The following ZNF93 variants were observed in gnomAD, a reference collection of about 807,000 sequenced individuals.
The protein encoded by ZNF93 is zinc finger protein 93.
A neutral mutation model predicts 45.0 loss-of-function variants in ZNF93; 29 were observed. The observed-to-expected ratio is 0.64, with a 90% CI of 0.48 to 0.88. The LOEUF (loss-of-function observed/expected upper bound fraction) is 0.88. Among genes scored for constraint, ZNF93 ranks in the 40% least tolerant of loss-of-function variants. The pLI is 0.00. For synonymous variants in ZNF93, 223 were observed against 244.6 expected, an observed-to-expected ratio of 0.91 and a Z score of 0.82; for missense variants, 578 against 724.0, an observed-to-expected ratio of 0.80 and a Z score of 2.31.
At chr19:19,921,294 G>A (rs2063341908) in intron 3 of ZNF93, among the ~76,000 whole-genome samples, 1 of 152,202 alleles carries the variant, frequency 6.6e-6, no homozygotes, top group Non-Finnish European at 1.5e-5. Flanking sequence ...TGATTGCACT[G>A]TGGTCTGAGA....
intron 2 of ZNF93, among the ~76,000 whole-genome samples, 191 bp from the exon 3 acceptor site, chr19:19,916,369 A>G (rs1010525192): frequency 2.0e-5 from 3 of 152,196 alleles, no homozygotes; most frequent in African/African-American, 7.2e-5. Flanking sequence ...AATTGCTGGG[A>G]TCACAGGCGT....
intron 3 of ZNF93, among the ~76,000 whole-genome samples, chr19:19,929,937 C>CAAAAAAAA (rs71172547): frequency 5.2e-5 from 3 of 57,688 alleles, no homozygotes; most frequent in African/African-American, 1.3e-4. Context: ...GACTCCGTCT[C>CAAAAAAAA]AAAAAAAAAA....
chr19:19,933,089 T>C, intron 3 of ZNF93, 93 bp from the exon 4 acceptor site: 1 of 979,700 alleles, frequency 1.0e-6, no homozygotes, highest in Non-Finnish European at 1.4e-6. Flanking sequence ...TCATCTTAGT[T>C]ATGTAGTTTG....
chr19:19,926,890 A>G (rs759437025), intron 3 of ZNF93, among the ~76,000 whole-genome samples: 40 of 152,136 alleles, frequency 2.6e-4, no homozygotes, highest in Non-Finnish European at 3.2e-4. Context: ...TGGTAGTTTT[A>G]TCTTGTCTAA....
chr19:19,916,700 G>A, intron 3 of ZNF93, 45 bp downstream of exon 3: 4 of 1,420,758 alleles, frequency 2.8e-6, no homozygotes, highest in Non-Finnish European at 2.9e-6. Flanking sequence ...ACAGTAAGAG[G>A]TCCCAAGGCC....
At chr19:19,915,175 C>G in intron 1 of ZNF93, 105 bp from the exon 2 acceptor site, 1 of 1,592,396 alleles carries the variant, frequency 6.3e-7, no homozygotes, top group African/African-American at 1.3e-5. Flanking sequence ...TTTAGTCAGT[C>G]CTATAAGTCA....
chr19:19,932,150 G>A, intron 3 of ZNF93: 1 of 200,502 alleles, frequency 5.0e-6, no homozygotes, highest in Non-Finnish European at 1.0e-5. Flanking sequence ...GCCCATGCCT[G>A]TAGTACGAGC....
At chr19:19,919,050 T>C (rs1424235950) in intron 3 of ZNF93, among the ~76,000 whole-genome samples, 1 of 152,214 alleles carries the variant, frequency 6.6e-6, no homozygotes, top group Non-Finnish European at 1.5e-5. Context: ...TGAATGGTAT[T>C]GCCTAGGTTT....
chr19:19,904,337 TCTTC>T (rs1467875624), intron 1 of ZNF93, among the ~76,000 whole-genome samples: 1 of 152,176 alleles, frequency 6.6e-6, no homozygotes, highest in Non-Finnish European at 1.5e-5. Context: ...TCTATGCATT[TCTTC>T]CTTTTGGCTT....
chr19:19,918,107 C>G (rs567468242), intron 3 of ZNF93, among the ~76,000 whole-genome samples: 2 of 151,940 alleles, frequency 1.3e-5, no homozygotes, highest in Non-Finnish European at 1.5e-5. Context: ...CCCGTCCCCC[C>G]ACCCCACAAC....
At chr19:19,908,839 G>T (rs1358043983) in intron 1 of ZNF93, 1 of 41,506 alleles carries the variant, frequency 2.4e-5, no homozygotes, top group African/African-American at 1.5e-4. Flanking sequence ...GTGAAACTCC[G>T]TCTCAAAAAA....
chr19:19,917,430 C>T (rs1413889908), intron 3 of ZNF93, among the ~76,000 whole-genome samples: 2 of 149,868 alleles, frequency 1.3e-5, no homozygotes, highest in Non-Finnish European at 1.5e-5. Context: ...ATTTTTTTCC[C>T]AGTAGTTTTT....
At chr19:19,920,798 T>A (rs895354112) in intron 3 of ZNF93, among the ~76,000 whole-genome samples, 3 of 152,218 alleles carry the variant, frequency 2.0e-5, no homozygotes, top group African/African-American at 7.2e-5. Context: ...ATATCCCCTT[T>A]ATCATTTTTT....
At chr19:19,916,107 C>G (rs1454792969) in intron 2 of ZNF93, among the ~76,000 whole-genome samples, 2 of 148,902 alleles carry the variant, frequency 1.3e-5, no homozygotes, top group Non-Finnish European at 3.0e-5. Context: ...TGCTCTGTCA[C>G]CCAGGCTGGA....
intron 3 of ZNF93, among the ~76,000 whole-genome samples, chr19:19,920,041 G>T (rs2063338423): frequency 6.6e-6 from 1 of 152,134 alleles, no homozygotes; most frequent in South Asian, 2.1e-4. Context: ...TTTTCAAAGG[G>T]AATGCTTCCA....
At chr19:19,920,431 A>C (rs1599570386) in intron 3 of ZNF93, among the ~76,000 whole-genome samples, 1 of 152,166 alleles carries the variant, frequency 6.6e-6, no homozygotes, top group Non-Finnish European at 1.5e-5. Flanking sequence ...TGTCTCTGCC[A>C]GGCTTTGGTA....
intron 1 of ZNF93, among the ~76,000 whole-genome samples, chr19:19,903,815 A>G (rs2063284159): frequency 1.3e-5 from 2 of 151,714 alleles, no homozygotes. Context: ...TCACACCTGT[A>G]ATCCGAGCAC....
At chr19:19,904,724 G>A (rs2122160104) in intron 1 of ZNF93, among the ~76,000 whole-genome samples, 1 of 150,258 alleles carries the variant, frequency 6.7e-6, no homozygotes, top group African/African-American at 2.4e-5. Context: ...GGGAGTCTCT[G>A]CTCTCCTCTA....
At chr19:19,926,432 A>C (rs909260857) in intron 3 of ZNF93, among the ~76,000 whole-genome samples, 1 of 143,976 alleles carries the variant, frequency 6.9e-6, no homozygotes, top group Non-Finnish European at 1.5e-5. Context: ...TTTTATGAGG[A>C]AACATTTCTA....
Sources: allele counts gnomAD v4.1 joint callset (sites outside exome capture counted in the v4.1 genomes callset), GRCh38; gene constraint gnomAD v4.1.1; transcripts MANE v1.5; gene names NCBI Gene and HGNC (gene_info 2026-07-23, HGNC 2026-07-21).